The following LEUTX variants were observed in gnomAD, a reference collection of about 807,000 sequenced individuals.
LEUTX encodes paired-like homeodomain transcription factor LEUTX.
Under a neutral mutation model 4.5 loss-of-function variants are expected in LEUTX, and 5 were observed. The observed-to-expected ratio is 1.11, with a 90% CI of 0.58 to 2.34. The LOEUF (loss-of-function observed/expected upper bound fraction) is 2.34, where lower values mean the gene tolerates loss of function less well. Ranked by LOEUF, LEUTX falls within the 30% of genes most tolerant of loss-of-function variation. LEUTX has a pLI of 0.01. For missense variants in LEUTX, 233 were observed against 239.4 expected (o/e 0.97, Z 0.18); for synonymous variants, 89 against 85.1 (o/e 1.05, Z -0.25).
chr19:39,782,404 T>C lies in LEUTX; in HGVS notation c.8-2123T>C, dbSNP rs996402230. 9.2e-5 allele frequency among the ~76,000 whole-genome samples: 14 copies of C among 152,266 alleles called. No homozygotes were observed. In the East Asian group the frequency reaches 2.7e-3, roughly 29 times the overall value. On this transcript the variant is annotated intron_variant, in intron 1 of 2. Coordinates refer to ENST00000638280, the MANE Select transcript of LEUTX (RefSeq NM_001382345.1). ...GGTTTCCCCTTTTGCTTAGGTCTCA[T>C]TCCCTCTCTTGCTTGCCACCACGTA...
rs373629971 is a variant in LEUTX, at chr19:39,785,840, G to A, written c.302G>A (p.Arg101His). The change falls in exon 3 of 3, where the codon CGT becomes CAT. Residue 101 changes from arginine to histidine, a missense_variant. Coordinates refer to ENST00000638280, the MANE Select transcript of LEUTX (RefSeq NM_001382345.1). ...TPSAITTANI[R>H]PVSPGISDAN... ...TCAGCCATAACTACTGCAAACATTC[G>A]TCCAGTAAGTCCTGGAATCTCTGAT... The A allele has an allele frequency of 3.5e-5, 54 of 1,551,596 alleles. No homozygotes were observed. In the African/African-American group the frequency reaches 3.8e-4, roughly 11 times the overall value.
chr19:39,777,280 C>T (rs1967810570), upstream of LEUTX, among the ~76,000 whole-genome samples: 1 of 152,180 alleles, frequency 6.6e-6, no homozygotes, highest in South Asian at 2.1e-4. Context: ...TGCGTATTGT[C>T]TTGTTTCCTT....
At chr19:39,782,328 C>T (rs763806622) in intron 1 of LEUTX, among the ~76,000 whole-genome samples, 1 of 152,098 alleles carries the variant, frequency 6.6e-6, no homozygotes, top group Non-Finnish European at 1.5e-5. Flanking sequence ...TTCCCCCATA[C>T]GGTGCTCATG....
intron 1 of LEUTX, among the ~76,000 whole-genome samples, chr19:39,780,741 G>A (rs1235516846): frequency 6.6e-6 from 1 of 152,022 alleles, no homozygotes; most frequent in Admixed American, 6.6e-5. Context: ...TGATTTCAAA[G>A]AACATTTGTC....
At chr19:39,783,126 T>C (rs755102817) in intron 1 of LEUTX, among the ~76,000 whole-genome samples, 18 of 151,798 alleles carry the variant, frequency 1.2e-4, no homozygotes, top group South Asian at 2.1e-4. Context: ...TGTGAACATA[T>C]GATGTTTGGT....
chr19:39,780,005 C>G (rs1967861380), intron 1 of LEUTX, among the ~76,000 whole-genome samples: 1 of 152,178 alleles, frequency 6.6e-6, no homozygotes, highest in Admixed American at 6.5e-5. Flanking sequence ...CAGAGCAAGA[C>G]TCTGTCTCAA....
chr19:39,782,494 T>A (rs1967901377), intron 1 of LEUTX, among the ~76,000 whole-genome samples: 1 of 152,186 alleles, frequency 6.6e-6, no homozygotes, highest in Non-Finnish European at 1.5e-5. Context: ...CATGTGGAAC[T>A]GTGAGTCCAT....
At chr19:39,779,482 A>G (rs1967852977) in intron 1 of LEUTX, among the ~76,000 whole-genome samples, 1 of 151,940 alleles carries the variant, frequency 6.6e-6, no homozygotes, top group Admixed American at 6.6e-5. Flanking sequence ...TAATTTTTAT[A>G]TTTATATCAT....
intron 1 of LEUTX, among the ~76,000 whole-genome samples, chr19:39,782,303 G>T (rs1439153332): frequency 6.6e-6 from 1 of 152,098 alleles, no homozygotes; most frequent in East Asian, 1.9e-4. Flanking sequence ...GGAGATAACT[G>T]AATCATGGGG....
At chr19:39,782,561 G>A (rs528478062) in intron 1 of LEUTX, among the ~76,000 whole-genome samples, 2 of 152,264 alleles carry the variant, frequency 1.3e-5, no homozygotes, top group South Asian at 4.2e-4. Context: ...TTAGCAGCAT[G>A]AGAAACAGAA....
At position 39,785,847 on chromosome 19, in the gene LEUTX, A is replaced by T; in HGVS notation, c.309A>T (p.Val103=). ...TAACTACTGCAAACATTCGTCCAGT[A>T]AGTCCTGGAATCTCTGATGCAAATG... ...SAITTANIRP[V]SPGISDANDH... The change falls in exon 3 of 3, where the codon GTA becomes GTT. Residue 103 remains valine, a synonymous_variant. Transcript: ENST00000638280. The T allele has an allele frequency of 6.4e-7, 1 of 1,551,794 alleles. No homozygotes were observed.
intron 1 of LEUTX, among the ~76,000 whole-genome samples, chr19:39,782,365 A>G (rs1266344011): frequency 6.6e-6 from 1 of 152,030 alleles, no homozygotes; most frequent in African/African-American, 2.4e-5. Flanking sequence ...ATAAGATCTG[A>G]TGGTTTTATA....
intron 1 of LEUTX, among the ~76,000 whole-genome samples, chr19:39,781,043 T>TTTCCTCCTC (rs141262994): frequency 0.065 from 9,820 of 151,854 alleles, 1,039 homozygotes; most frequent in African/African-American, 0.22. Flanking sequence ...TATTTGCTGC[T>TTTCCTCCTC]TTCCTCCTCT....
intron 2 of LEUTX, among the ~76,000 whole-genome samples, chr19:39,785,099 A>G (rs1967945705): frequency 6.6e-6 from 1 of 152,112 alleles, no homozygotes; most frequent in Non-Finnish European, 1.5e-5. Flanking sequence ...ATGAACCCTA[A>G]AGATGACCCA....
upstream of LEUTX, among the ~76,000 whole-genome samples, chr19:39,777,548 G>C (rs894589125): frequency 6.6e-6 from 1 of 152,172 alleles, no homozygotes; most frequent in African/African-American, 2.4e-5. Flanking sequence ...GGCAACTCCA[G>C]GGACTGATTC....
At chr19:39,783,603 A>G (rs1240950987) in intron 1 of LEUTX, among the ~76,000 whole-genome samples, 1 of 151,968 alleles carries the variant, frequency 6.6e-6, no homozygotes, top group Non-Finnish European at 1.5e-5. Flanking sequence ...TGGCTGTACT[A>G]GTTTACACTG....
intron 2 of LEUTX, among the ~76,000 whole-genome samples, chr19:39,785,399 C>G (rs1188207775): frequency 1.3e-5 from 2 of 151,786 alleles, no homozygotes; most frequent in Admixed American, 6.6e-5. Context: ...GATTGCAGCA[C>G]TGCACTCCAG....
intron 1 of LEUTX, among the ~76,000 whole-genome samples, chr19:39,781,765 A>G (rs57496188): frequency 0.038 from 5,776 of 152,220 alleles, 328 homozygotes; most frequent in African/African-American, 0.13. Context: ...AGAGCTGTGA[A>G]CCAATTAATT....
At chr19:39,782,930 C>T (rs1161856482) in intron 1 of LEUTX, among the ~76,000 whole-genome samples, 1 of 152,066 alleles carries the variant, frequency 6.6e-6, no homozygotes, top group Admixed American at 6.6e-5. Context: ...TGTTTGGTTA[C>T]ATGAGTAAGT....
Sources: allele counts gnomAD v4.1 joint callset (sites outside exome capture counted in the v4.1 genomes callset), GRCh38; gene constraint gnomAD v4.1.1; transcripts MANE v1.5; gene names NCBI Gene and HGNC (gene_info 2026-07-23, HGNC 2026-07-21).